Variants in SIRT1 observed in about 807,000 individuals in gnomAD.
SIRT1 encodes the protein NAD-dependent protein deacetylase sirtuin-1.
In SIRT1, 24 loss-of-function variants were observed where a neutral mutation model predicts 67.9. The observed-to-expected ratio is 0.35, with a 90% confidence interval of 0.26 to 0.50. The LOEUF (loss-of-function observed/expected upper bound fraction) is 0.50. Ranked by LOEUF, SIRT1 falls within the 20% of genes least tolerant of loss-of-function variation. The pLI is 0.98. For missense variants in SIRT1, 873 were observed against 937.2 expected (o/e 0.93, Z 0.89); for synonymous variants, 378 against 350.7 (o/e 1.08, Z -0.87).
chr10:67,887,640 G>A (rs534168657), intron 2 of SIRT1, 107 bp downstream of exon 2: 28 of 671,940 alleles, frequency 4.2e-5, no homozygotes, highest in African/African-American at 1.4e-4. Flanking sequence ...GCAATGGCGC[G>A]ATCTCGGCTC....
At chr10:67,891,322 T>C (rs1300306599) in intron 3 of SIRT1, 80 bp from the exon 4 acceptor site, 37 of 1,276,356 alleles carry the variant, frequency 2.9e-5, no homozygotes, top group Non-Finnish European at 3.9e-5. Context: ...AACTCTTACC[T>C]AATTATATGG....
chr10:67,908,583 T>TA (rs1184412565), intron 6 of SIRT1, among the ~76,000 whole-genome samples: 1 of 152,162 alleles, frequency 6.6e-6, no homozygotes, highest in Non-Finnish European at 1.5e-5. Context: ...ATCATGTCAT[T>TA]ACGAAAGAGG....
At chr10:67,886,946 A>G (rs1448042459) in intron 1 of SIRT1, among the ~76,000 whole-genome samples, 3 of 150,692 alleles carry the variant, frequency 2.0e-5, no homozygotes, top group Non-Finnish European at 4.4e-5. Flanking sequence ...ATCTCGGCTC[A>G]CCGCAACCTC....
chr10:67,889,040 AAAAG>A lies in SIRT1; in HGVS notation c.710_713del (p.Arg237LysfsTer10). 6.2e-7 allele frequency: 1 copy of A among 1,613,170 alleles called. No individual in the cohort carries two copies. Among genetic ancestry groups the A allele is most frequent in the Admixed American group, 1.7e-5 (1 of 60,014 alleles). On this transcript the variant is annotated frameshift_variant, in exon 3 of 9. Coordinates refer to ENST00000212015, the MANE Select transcript of SIRT1 (RefSeq NM_012238.5). LOFTEE classifies it high-confidence loss of function. ...CCTTTCAGAACCACCAAAAAGGAAAAAAAGAAAAGATATTAATACAATTGAAGAT... is the reference window on the plus strand; with the variant it reads ...CCTTTCAGAACCACCAAAAAGGAAAAAAAAGATATTAATACAATTGAAGAT...
intron 4 of SIRT1, among the ~76,000 whole-genome samples, chr10:67,900,529 C>G (rs1296784888): frequency 6.6e-6 from 1 of 152,182 alleles, no homozygotes; most frequent in Non-Finnish European, 1.5e-5. Context: ...ACTGCAGCCT[C>G]CAACTCTTGG....
rs199497583 is a variant in SIRT1 at position 67,912,731 on chromosome 10, A to C, written c.1615A>C (p.Ser539Arg). Reference protein sequence around the residue: ...PTPLHVSEDSSSPERTSPPDS... With the variant: ...PTPLHVSEDSRSPERTSPPDS... ...ACCTCTTCATGTTTCAGAAGACTCA[A>C]GTTCACCAGAAAGAACTTCACCACC... is the stretch of plus-strand genomic sequence containing the variant. The change falls in exon 8 of 9, where the codon AGT (serine) becomes CGT (arginine). Residue 539 changes from serine (S) to arginine (R), a missense_variant. Physicochemically the swap from Ser to Arg is moderately radical, Grantham distance 110. Coordinates refer to ENST00000212015, the MANE Select transcript of SIRT1 (RefSeq NM_012238.5). The C allele has an allele frequency of 4.3e-6, 7 of 1,614,046 alleles. No individual in the cohort carries two copies. In the African/African-American group the frequency reaches 8.0e-5, roughly 18 times the overall value.
Position 67,906,781 on chromosome 10 carries a change from T to G in SIRT1, c.943-9T>G, listed in dbSNP as rs774848225. The G allele has an allele frequency of 6.8e-6, 11 of 1,606,338 alleles. No homozygotes were observed. The South Asian group carries it at 1.2e-4, about 18-fold the overall frequency. On this transcript the variant is annotated splice_polypyrimidine_tract_variant and intron_variant, in intron 4 of 8. Transcript: ENST00000212015. The stretch of plus-strand genomic sequence containing the variant: ...AATGTAAATTTTTTCTACCATTTGC[T>G]TGATACAGGAAATATATCCTGGACA...
chr10:67,885,306 G>A (rs961019205), intron 1 of SIRT1, 155 bp downstream of exon 1: 10 of 1,240,502 alleles, frequency 8.1e-6, no homozygotes, highest in African/African-American at 1.6e-5. Flanking sequence ...CTCCTCCGGG[G>A]CTGCGGTTCC....
rs35416150 is a variant in SIRT1, at chr10:67,905,432, A to G, written c.943-1358A>G. Among the ~76,000 whole-genome samples the G allele has an allele frequency of 0.03, 4,609 of 152,326 alleles. 531 individuals are homozygous for G. The East Asian group carries it at 0.41, about 14-fold the overall frequency. On this transcript the variant is annotated intron_variant, in intron 4 of 8. Coordinates refer to ENST00000212015, the MANE Select transcript of SIRT1 (RefSeq NM_012238.5). The stretch of plus-strand genomic sequence containing the variant: ...AAATTTGTGATAAATATTTGAATCT[A>G]AGGCAACGTTTTTGGATTCTTTATA...
intron 3 of SIRT1, 136 bp downstream of exon 3, chr10:67,889,259 C>A: frequency 2.1e-6 from 2 of 951,086 alleles, no homozygotes; most frequent in Non-Finnish European, 3.0e-6. Flanking sequence ...AAACTGAGTG[C>A]AGCAGCAGTT....
At chr10:67,900,258 G>A (rs1449572338) in intron 4 of SIRT1, among the ~76,000 whole-genome samples, 22 of 151,892 alleles carry the variant, frequency 1.4e-4, no homozygotes, top group African/African-American at 7.3e-5. Context: ...TGATTCTCCC[G>A]CTTCAGCCTC....
intron 4 of SIRT1, among the ~76,000 whole-genome samples, chr10:67,904,503 C>T (rs1453227591): frequency 6.6e-6 from 1 of 152,144 alleles, no homozygotes; most frequent in Admixed American, 6.5e-5. Flanking sequence ...TCATACTTGA[C>T]AGAAAGTATG....
intron 7 of SIRT1, among the ~76,000 whole-genome samples, chr10:67,910,791 T>C (rs1345093555): frequency 2.0e-5 from 3 of 152,236 alleles, no homozygotes; most frequent in Admixed American, 6.5e-5. Flanking sequence ...TTCTTTGTCA[T>C]ATATATTCTC....
Position 67,906,270 on chromosome 10 carries a change from G to A in SIRT1, c.943-520G>A, listed in dbSNP as rs1469177764. 6 of 1,585,370 alleles carry A rather than the reference G, an allele frequency of 3.8e-6. No homozygotes were observed. The South Asian group carries it at 5.8e-5, about 15-fold the overall frequency. On this transcript the variant is annotated intron_variant, in intron 4 of 8. Coordinates refer to ENST00000212015, the MANE Select transcript of SIRT1 (RefSeq NM_012238.5). ...CTATACCAGTATGTGCCTGTGCAGTGGAAGGAAAACAATTTTGGTAAGGAT... is the reference window on the plus strand; with the variant it reads ...CTATACCAGTATGTGCCTGTGCAGTAGAAGGAAAACAATTTTGGTAAGGAT...
At chr10:67,913,458 A>T (rs1002892221) in intron 8 of SIRT1, among the ~76,000 whole-genome samples, 4 of 152,206 alleles carry the variant, frequency 2.6e-5, no homozygotes, top group African/African-American at 9.6e-5. Context: ...CCAGATTAAA[A>T]TCCAGTCTAT....
intron 4 of SIRT1, among the ~76,000 whole-genome samples, chr10:67,902,159 T>C (rs993643411): frequency 4.6e-5 from 7 of 152,036 alleles, no homozygotes; most frequent in African/African-American, 9.7e-5. Context: ...CGGCTAGTTA[T>C]TGTATTTTTA....
Position 67,884,860 on chromosome 10 carries a change from A to C in SIRT1, c.139A>C (p.Ser47Arg). 8.3e-7 allele frequency: 1 copy of C among 1,212,120 alleles called. No individual in the cohort carries two copies. The highest frequency in any genetic ancestry group is 1.0e-6 in the Non-Finnish European group (1 of 976,104). 75.1% of individuals were successfully genotyped at this position (1,212,120 alleles called of 1,614,324 possible). The change falls in exon 1 of 9, where the codon AGC (serine) becomes CGC (arginine). Residue 47 changes from serine to arginine, a missense_variant. Coordinates refer to ENST00000212015, the MANE Select transcript of SIRT1 (RefSeq NM_012238.5). ...GAGAGATGGTCCCGGCCTCGAGCGG[A>C]GCCCGGGCGAGCCCGGTGGGGCGGC... is the stretch of plus-strand genomic sequence containing the variant. ...PRRDGPGLER[S>R]PGEPGGAAPE... is the part of the protein sequence containing the mutation.
intron 2 of SIRT1, among the ~76,000 whole-genome samples, chr10:67,888,666 C>T (rs186052938): frequency 1.3e-5 from 2 of 152,086 alleles, no homozygotes; most frequent in East Asian, 1.9e-4. Flanking sequence ...TATATACTTA[C>T]AGCTGAAGGG....
chr10:67,909,126 A>G (rs890491078), intron 6 of SIRT1, 130 bp from the exon 7 acceptor site: 3 of 624,360 alleles, frequency 4.8e-6, no homozygotes, highest in Non-Finnish European at 8.0e-6. Flanking sequence ...CTGTTTATCC[A>G]TAGCTTTTCT....
Sources: gnomAD v4.1 joint callset for allele counts (sites outside exome capture counted in the v4.1 genomes callset) on GRCh38, gnomAD v4.1.1 for gene constraint, MANE v1.5 for transcripts, NCBI Gene and HGNC (gene_info 2026-07-23, HGNC 2026-07-21) for gene names.